The following ZNF766 variants were observed in gnomAD, a reference collection of about 807,000 sequenced individuals.
ZNF766 encodes the protein zinc finger protein 766.
Under a neutral mutation model 13.2 loss-of-function variants are expected in ZNF766, and 13 were observed. The ratio of observed to expected loss-of-function variants is 0.98; its 90% CI spans 0.64 to 1.56. The LOEUF (loss-of-function observed/expected upper bound fraction) is 1.56. Among genes scored for constraint, ZNF766 ranks in the 40% most tolerant of loss-of-function variants. The pLI is 0.00. For missense variants in ZNF766, 521 were observed against 552.2 expected, an observed-to-expected ratio of 0.94 and a Z score of 0.57; for synonymous variants, 178 against 187.6, an observed-to-expected ratio of 0.95 and a Z score of 0.42.
chr19:52,277,383 C>T (rs542057241), intron 1 of ZNF766: 596 of 1,207,688 alleles, frequency 4.9e-4, no homozygotes, highest in African/African-American at 1.2e-3. Flanking sequence ...GGTGTGAACC[C>T]GGGAGGCGGA....
At chr19:52,273,052 A>G (rs929486264) in intron 1 of ZNF766, among the ~76,000 whole-genome samples, 8 of 152,206 alleles carry the variant, frequency 5.3e-5, no homozygotes, top group Non-Finnish European at 1.2e-4. Flanking sequence ...CTGTGTCACC[A>G]GGCTGGAGTG....
At chr19:52,283,059 G>A (rs148010388) in intron 2 of ZNF766, among the ~76,000 whole-genome samples, 54 of 152,192 alleles carry the variant, frequency 3.5e-4, no homozygotes, top group African/African-American at 8.9e-4. Flanking sequence ...AGGAATCGCC[G>A]CACTGTCTTC....
Position 52,290,578 on chromosome 19 carries a change from A to G in ZNF766, c.787A>G (p.Lys263Glu), listed in dbSNP as rs1262671955. The change falls in exon 4 of 4, where the codon AAA (lysine) becomes GAA (glutamate). Residue 263 changes from lysine to glutamate, a missense_variant. Transcript: ENST00000439461. ...AATTGCATACCTTGCACGACACGAG[A>G]AAGTGCATACTGGAGAGAGTCCTTA... ...NRIAYLARHE[K>E]VHTGESPYKC... is the part of the protein sequence containing the mutation. 1.2e-6 allele frequency: 2 copies of G among 1,614,126 alleles called. No individual in the cohort carries two copies. Among genetic ancestry groups the G allele is most frequent in the Admixed American group, 3.3e-5 (2 of 60,012 alleles).
At chr19:52,283,545 C>T (rs1383239777) in intron 3 of ZNF766, 132 bp downstream of exon 3, 5 of 1,238,880 alleles carry the variant, frequency 4.0e-6, no homozygotes, top group Middle Eastern at 2.3e-4. Flanking sequence ...TTCAACAGTC[C>T]TCCTGCTTTG....
chr19:52,280,707 C>T lies in ZNF766; in HGVS notation c.19-1404C>T, dbSNP rs1049556209. 2.6e-5 allele frequency among the ~76,000 whole-genome samples: 4 copies of T among 151,888 alleles called. No homozygotes were observed. In the South Asian group the frequency reaches 8.3e-4, roughly 32 times the overall value. ...AAGCGGTTCTTCTGCCTCAGCCTCC[C>T]GAGTAGCTGGGACTACAGGCATGCA... On this transcript the variant is annotated intron_variant, in intron 1 of 3. Coordinates refer to ENST00000439461, the MANE Select transcript of ZNF766 (RefSeq NM_001010851.3).
At chr19:52,283,463 T>TTTC in intron 3 of ZNF766, 50 bp downstream of exon 3, 1 of 1,452,138 alleles carries the variant, frequency 6.9e-7, no homozygotes, top group African/African-American at 1.4e-5. Flanking sequence ...TTTTTTTTTT[T>TTTC]GAGACAGTCT....
At chr19:52,269,760 C>T (rs2560877) in intron 1 of ZNF766, 129 bp downstream of exon 1, 334,522 of 1,209,336 alleles carry the variant, frequency 0.28, 51,112 homozygotes, top group African/African-American at 0.51. Context: ...TAAATTCATG[C>T]GTCCCGTCAG....
At chr19:52,279,008 G>T (rs988901043) in intron 1 of ZNF766, among the ~76,000 whole-genome samples, 17 of 152,166 alleles carry the variant, frequency 1.1e-4, no homozygotes, top group African/African-American at 2.2e-4. Flanking sequence ...ATAGTTTGGG[G>T]TTTTACACTG....
At chr19:52,271,443 G>A (rs1432805959) in intron 1 of ZNF766, among the ~76,000 whole-genome samples, 2 of 152,014 alleles carry the variant, frequency 1.3e-5, no homozygotes, top group Non-Finnish European at 2.9e-5. Context: ...TCTCCAACCG[G>A]CCCACCCACC....
intron 1 of ZNF766, among the ~76,000 whole-genome samples, chr19:52,280,473 A>T (rs1344061720): frequency 6.6e-6 from 1 of 152,222 alleles, no homozygotes; most frequent in Admixed American, 6.5e-5. Flanking sequence ...TTATAAACTA[A>T]GTGTGTGTAA....
rs940732447 is a variant in ZNF766, at chr19:52,295,670, G to A, written c.*4472G>A. ...ATGCTTTCACTATATTAGAGGACTT[G>A]AAGTAACGTGAAGTGATTCCAACCC... On this transcript the variant is annotated 3_prime_UTR_variant, in exon 4 of 4. Transcript: ENST00000439461. 6.6e-6 allele frequency: 1 copy of A among 152,118 alleles called. No individual in the cohort carries two copies. The highest frequency in any genetic ancestry group is 1.5e-5 in the Non-Finnish European group (1 of 68,006). 9.4% of individuals were successfully genotyped at this position (152,118 alleles called of 1,614,324 possible). A position where few individuals can be genotyped will look rare whatever the true frequency, so the allele number is the denominator to read the frequency against.
chr19:52,295,945 G>C lies in ZNF766; in HGVS notation c.*4747G>C, dbSNP rs1982328611. 6.6e-6 allele frequency: 1 copy of C among 151,810 alleles called. No individual in the cohort carries two copies. The highest frequency in any genetic ancestry group is 1.5e-5 in the Non-Finnish European group (1 of 67,982). 9.4% of individuals were successfully genotyped at this position (151,810 alleles called of 1,614,324 possible). ...ATAATCTTGTCAGTATCTACGAAGT[G>C]CCTTGATAGTAAATATATTAACCCT... On this transcript the variant is annotated 3_prime_UTR_variant, in exon 4 of 4. Transcript: ENST00000439461.
At chr19:52,285,041 T>G (rs747028149) in intron 3 of ZNF766, 4 of 152,256 alleles carry the variant, frequency 2.6e-5, no homozygotes, top group South Asian at 2.1e-4. Flanking sequence ...ATTCTGTGCT[T>G]CTAACCATGG....
rs1015762604 is a variant in ZNF766 at position 52,291,300 on chromosome 19, G to A, written c.*102G>A. The A allele has an allele frequency of 6.9e-6, 8 of 1,156,426 alleles. No homozygotes were observed. The highest frequency in any genetic ancestry group is 2.3e-4 in the Middle Eastern group (1 of 4,266). The allele number at this position is 1,156,426 out of a possible 1,614,324, so 71.6% of individuals were successfully genotyped here. ...TACTATATGTGGCACAGGCTGTATC[G>A]AGACCTACCAAATCACTAGACATCG... is the stretch of plus-strand genomic sequence containing the variant. On this transcript the variant is annotated 3_prime_UTR_variant, in exon 4 of 4. Transcript: ENST00000439461.
chr19:52,276,275 T>A (rs922832743), intron 1 of ZNF766, among the ~76,000 whole-genome samples: 4 of 152,236 alleles, frequency 2.6e-5, no homozygotes, highest in Non-Finnish European at 4.4e-5. Flanking sequence ...TGTAAACATC[T>A]GATTACTGGT....
At chr19:52,270,965 G>A (rs2560874) in intron 1 of ZNF766, among the ~76,000 whole-genome samples, 23,143 of 152,078 alleles carry the variant, frequency 0.15, 2,043 homozygotes, top group African/African-American at 0.23. Context: ...TGTATTTTTA[G>A]TAGAGACAGG....
chr19:52,283,327 A>G lies in ZNF766; in HGVS notation c.188A>G (p.Gln63Arg), dbSNP rs1458947787. The change falls in exon 3 of 4, where the codon CAA becomes CGA. Residue 63 changes from glutamine (Q) to arginine (R), a missense_variant. Transcript: ENST00000439461. ...PDLSIISMMK[Q>R]RTEPWTVENE... ...CTGAGTATTATCTCCATGATGAAGC[A>G]AAGGACAGAGCCCTGGACTGTGGAG... 1 of 1,613,894 alleles carries G rather than the reference A, an allele frequency of 6.2e-7. No homozygotes were observed. Among genetic ancestry groups the G allele is most frequent in the East Asian group, 2.2e-5 (1 of 44,894 alleles).
At chr19:52,288,685 C>T (rs560354136) in intron 3 of ZNF766, among the ~76,000 whole-genome samples, 50 of 149,934 alleles carry the variant, frequency 3.3e-4, no homozygotes, top group African/African-American at 1.0e-3. Flanking sequence ...TGAGCCACCA[C>T]ACCCAGCCGT....
rs1555796550 is a variant in ZNF766, at chr19:52,291,197, G to C, written c.1406G>C (p.Ter469SerextTer7). ...RSVHERVLTN[*>S] ...GTTCATGAGAGAGTCCTTACAAACT[G>C]AGTTTGGCAAACTCTATCATAAGTT... is the stretch of plus-strand genomic sequence containing the variant. Residue 469 changes from the stop codon to serine, a stop_lost, in exon 4 of 4, where the codon TGA becomes TCA. Transcript: ENST00000439461. The C allele has an allele frequency of 3.2e-6, 5 of 1,553,434 alleles. No homozygotes were observed. The highest frequency in any genetic ancestry group is 4.3e-6 in the Non-Finnish European group (5 of 1,152,250).
Sources: gnomAD v4.1 joint callset for allele counts (sites outside exome capture counted in the v4.1 genomes callset) on GRCh38, gnomAD v4.1.1 for gene constraint, MANE v1.5 for transcripts, NCBI Gene and HGNC (gene_info 2026-07-23, HGNC 2026-07-21) for gene names.